The following SNX29 variants were observed in gnomAD, a reference collection of about 807,000 sequenced individuals.
SNX29 encodes the protein sorting nexin 29.
SNX29 carries 78 observed loss-of-function variants against 102.1 expected under a neutral mutation model. That is an observed-to-expected ratio of 0.76 (90% CI 0.64 to 0.92). SNX29 has a LOEUF of 0.92. SNX29 is among the 40% of genes least tolerant of loss of function. SNX29 has a pLI of 0.00. For missense variants in SNX29, 1,280 were observed against 1,061.7 expected, an observed-to-expected ratio of 1.21 and a Z score of -2.86; for synonymous variants, 580 against 414.5, an observed-to-expected ratio of 1.40 and a Z score of -4.85.
At chr16:12,354,798 AAAG>A (rs2082085879) in intron 15 of SNX29, among the ~76,000 whole-genome samples, 1 of 152,204 alleles carries the variant, frequency 6.6e-6, no homozygotes, top group Non-Finnish European at 1.5e-5. Context: ...TTCTTATCCA[AAAG>A]GAATAAGGTA....
chr16:12,038,296 T>C (rs903945432), intron 4 of SNX29, among the ~76,000 whole-genome samples: 4 of 152,208 alleles, frequency 2.6e-5, no homozygotes, highest in Non-Finnish European at 5.9e-5. Flanking sequence ...GTTTTTGTCT[T>C]CCTTGTGGTC....
intron 15 of SNX29, among the ~76,000 whole-genome samples, chr16:12,332,494 G>C (rs909035910): frequency 1.3e-5 from 2 of 152,198 alleles, no homozygotes; most frequent in African/African-American, 4.8e-5. Flanking sequence ...CCTTTTGCCT[G>C]TTAAAGTGAT....
intron 11 of SNX29, among the ~76,000 whole-genome samples, chr16:12,094,390 C>A (rs1269344515): frequency 6.6e-6 from 1 of 152,284 alleles, no homozygotes; most frequent in Admixed American, 6.5e-5. Context: ...TTCCTGAAAA[C>A]AACATCTGGG....
intron 15 of SNX29, among the ~76,000 whole-genome samples, chr16:12,302,186 C>G (rs1475224530): frequency 6.6e-6 from 1 of 152,148 alleles, no homozygotes; most frequent in Non-Finnish European, 1.5e-5. Flanking sequence ...GACGTCGTAA[C>G]TATTCACCTC....
chr16:12,526,186 C>T (rs1003904168), intron 20 of SNX29, among the ~76,000 whole-genome samples: 1 of 152,148 alleles, frequency 6.6e-6, no homozygotes, highest in Non-Finnish European at 1.5e-5. Context: ...TAAGAGTTTC[C>T]TGTCACTGTA....
chr16:12,044,423 C>G (rs909133171), intron 5 of SNX29, among the ~76,000 whole-genome samples: 4 of 152,104 alleles, frequency 2.6e-5, no homozygotes, highest in African/African-American at 4.8e-5. Flanking sequence ...AATTGTATGG[C>G]AAGACTCTAT....
At chr16:12,398,795 C>T (rs540468869) in intron 17 of SNX29, among the ~76,000 whole-genome samples, 1 of 151,394 alleles carries the variant, frequency 6.6e-6, no homozygotes, top group Admixed American at 6.6e-5. Flanking sequence ...AAAAATGAGA[C>T]GCTTGTCCCT....
At chr16:12,205,865 G>A (rs535406164) in intron 14 of SNX29, among the ~76,000 whole-genome samples, 1 of 152,330 alleles carries the variant, frequency 6.6e-6, no homozygotes, top group South Asian at 2.1e-4. Context: ...GAAAGTGCCT[G>A]CACAGTGCTT....
chr16:12,244,416 C>G (rs1325268266), intron 14 of SNX29, among the ~76,000 whole-genome samples: 4 of 152,168 alleles, frequency 2.6e-5, no homozygotes, highest in African/African-American at 9.7e-5. Flanking sequence ...TGAGACCAGC[C>G]TGGCCAACAT....
chr16:12,289,261 A>C (rs973990757), intron 15 of SNX29, among the ~76,000 whole-genome samples: 8 of 152,048 alleles, frequency 5.3e-5, no homozygotes, highest in Admixed American at 5.2e-4. Flanking sequence ...CAGCAGGAGG[A>C]GAAGGGTCCA....
chr16:12,547,792 A>C (rs916095), intron 20 of SNX29, among the ~76,000 whole-genome samples: 2 of 151,974 alleles, frequency 1.3e-5, no homozygotes, highest in Non-Finnish European at 2.9e-5. Context: ...TACCGAACAG[A>C]ATGGGCTCAA....
At chr16:12,049,333 CTT>C (rs139469974) in intron 7 of SNX29, among the ~76,000 whole-genome samples, 168 of 144,504 alleles carry the variant, frequency 1.2e-3, no homozygotes, top group Middle Eastern at 3.5e-3. Flanking sequence ...AATTTTTTAA[CTT>C]TTTTTTTTTT....
At chr16:12,481,587 T>G (rs2087938084) in intron 19 of SNX29, among the ~76,000 whole-genome samples, 2 of 144,444 alleles carry the variant, frequency 1.4e-5, no homozygotes, top group Admixed American at 1.4e-4. Flanking sequence ...CAGGGTGGAG[T>G]GCAGTGGCAC....
At chr16:12,040,303 A>T (rs1384315783) in intron 4 of SNX29, among the ~76,000 whole-genome samples, 3 of 152,168 alleles carry the variant, frequency 2.0e-5, no homozygotes, top group Non-Finnish European at 4.4e-5. Flanking sequence ...ACTTGAGCCC[A>T]GGACGTTGAG....
intron 18 of SNX29, among the ~76,000 whole-genome samples, chr16:12,412,268 C>T (rs541037611): frequency 6.6e-6 from 1 of 152,348 alleles, no homozygotes; most frequent in South Asian, 2.1e-4. Context: ...AGCTGTGACT[C>T]TGGGTTGAAT....
At chr16:12,532,144 C>T (rs896842837) in intron 20 of SNX29, among the ~76,000 whole-genome samples, 1 of 152,208 alleles carries the variant, frequency 6.6e-6, no homozygotes, top group African/African-American at 2.4e-5. Context: ...TGATGCCATG[C>T]TGTAACTGTG....
Position 12,571,897 on chromosome 16 carries a change from C to T in SNX29, c.*3268C>T. On this transcript the variant is annotated 3_prime_UTR_variant, in exon 21 of 21. Coordinates refer to ENST00000566228, the MANE Select transcript of SNX29 (RefSeq NM_032167.5). ...AGTTTGGAGCTGAGGTTCAAAGCCC[C>T]CTGCATTTCTCTACTGGCAGGCCCT... 2 of 1,062,128 alleles carry T rather than the reference C, an allele frequency of 1.9e-6. No homozygotes were observed. Among genetic ancestry groups the T allele is most frequent in the South Asian group, 4.6e-5 (1 of 21,970 alleles). 65.8% of individuals were successfully genotyped at this position (1,062,128 alleles called of 1,614,324 possible). A position where few individuals can be genotyped will look rare whatever the true frequency, so the allele number is the denominator to read the frequency against.
intron 13 of SNX29, among the ~76,000 whole-genome samples, chr16:12,151,283 A>G (rs1261671703): frequency 2.0e-5 from 3 of 147,724 alleles, no homozygotes; most frequent in Non-Finnish European, 3.0e-5. Flanking sequence ...ACAGTAAGAC[A>G]AAAAAATTAT....
chr16:12,550,525 A>C (rs945811710), intron 20 of SNX29, among the ~76,000 whole-genome samples: 2 of 126,876 alleles, frequency 1.6e-5, no homozygotes, highest in Non-Finnish European at 3.1e-5. Flanking sequence ...ACACAGTCTC[A>C]ATCTACAAAA....
Sources: allele counts gnomAD v4.1 joint callset (sites outside exome capture counted in the v4.1 genomes callset), GRCh38; gene constraint gnomAD v4.1.1; transcripts MANE v1.5; gene names NCBI Gene and HGNC (gene_info 2026-07-23, HGNC 2026-07-21).